The following KCNMA1 variants were observed in gnomAD, a reference collection of about 807,000 sequenced individuals.
The protein encoded by KCNMA1 is Calcium-activated potassium channel subunit alpha-1.
In KCNMA1, 29 loss-of-function variants were observed where a neutral mutation model predicts 140.0. That is an observed-to-expected ratio of 0.21 (90% CI 0.15 to 0.28). KCNMA1 has a LOEUF of 0.28. KCNMA1 is among the 10% of genes least tolerant of loss of function. The pLI is 1.00. For missense variants in KCNMA1, 880 were observed against 1,602.2 expected, an observed-to-expected ratio of 0.55 and a Z score of 7.70; for synonymous variants, 612 against 611.9, an observed-to-expected ratio of 1.00 and a Z score of 0.00.
intron 18 of KCNMA1, among the ~76,000 whole-genome samples, chr10:77,003,798 A>G (rs1187934476): frequency 2.0e-5 from 3 of 152,194 alleles, no homozygotes; most frequent in Non-Finnish European, 2.9e-5. Flanking sequence ...TACCGTCTTT[A>G]AGGATAAGGG....
intron 1 of KCNMA1, among the ~76,000 whole-genome samples, chr10:77,421,140 T>G (rs1189446487): frequency 6.6e-6 from 1 of 152,264 alleles, no homozygotes; most frequent in African/African-American, 2.4e-5. Context: ...ACAGCAATAC[T>G]GGACATTCTT....
chr10:77,588,882 G>A (rs1213772125), intron 1 of KCNMA1, among the ~76,000 whole-genome samples: 1 of 152,206 alleles, frequency 6.6e-6, no homozygotes, highest in Non-Finnish European at 1.5e-5. Context: ...GAAGCAGCAA[G>A]ATAAACGGAG....
At chr10:77,608,401 T>C (rs1048674888) in intron 1 of KCNMA1, among the ~76,000 whole-genome samples, 1 of 152,078 alleles carries the variant, frequency 6.6e-6, no homozygotes, top group African/African-American at 2.4e-5. Flanking sequence ...CTCAAACTCC[T>C]GGGCTCAAGC....
chr10:76,884,875 AAT>A (rs2036159982), downstream of KCNMA1: 11 of 1,382,086 alleles, frequency 8.0e-6, no homozygotes, highest in South Asian at 1.9e-4. Flanking sequence ...CCAATAACAG[AAT>A]AAAATTTGTA....
intron 2 of KCNMA1, among the ~76,000 whole-genome samples, chr10:77,373,185 A>G (rs1344570932): frequency 6.6e-6 from 1 of 152,202 alleles, no homozygotes; most frequent in Non-Finnish European, 1.5e-5. Context: ...TCATGCTGCC[A>G]TCTTGTTGGT....
chr10:77,418,794 T>A (rs1424139230), intron 1 of KCNMA1, among the ~76,000 whole-genome samples: 1 of 152,132 alleles, frequency 6.6e-6, no homozygotes, highest in East Asian at 1.9e-4. Context: ...TATAAATAAT[T>A]GAAGAGCTCC....
intron 18 of KCNMA1, among the ~76,000 whole-genome samples, chr10:77,010,541 C>A (rs756397019): frequency 9.2e-5 from 14 of 151,806 alleles, no homozygotes; most frequent in Non-Finnish European, 1.5e-4. Flanking sequence ...GGGAAGGGGA[C>A]CAGCTGTATT....
At chr10:77,455,816 G>A (rs1234543429) in intron 1 of KCNMA1, among the ~76,000 whole-genome samples, 1 of 152,176 alleles carries the variant, frequency 6.6e-6, no homozygotes, top group Non-Finnish European at 1.5e-5. Flanking sequence ...TGGAAATTGG[G>A]TCAGAGCTGG....
intron 5 of KCNMA1, among the ~76,000 whole-genome samples, chr10:77,137,727 G>C (rs2098077993): frequency 6.6e-6 from 1 of 152,206 alleles, no homozygotes; most frequent in Admixed American, 6.5e-5. Flanking sequence ...TTGCTTGTCT[G>C]ACCTTTTCAC....
chr10:77,544,641 T>G (rs866519613), intron 1 of KCNMA1, among the ~76,000 whole-genome samples: 54 of 152,220 alleles, frequency 3.5e-4, no homozygotes, highest in Non-Finnish European at 6.6e-4. Context: ...AGCAACTCTA[T>G]GAAGGTATGA....
At chr10:77,555,052 C>CCACACACACACACACACACA in intron 1 of KCNMA1, among the ~76,000 whole-genome samples, 1 of 108,748 alleles carries the variant, frequency 9.2e-6, no homozygotes, top group East Asian at 2.3e-4. Context: ...TTCACTCTTA[C>CCACACACACACACACACACA]CACATACACA....
chr10:77,621,573 A>T (rs902065415), intron 1 of KCNMA1, among the ~76,000 whole-genome samples: 3 of 152,056 alleles, frequency 2.0e-5, no homozygotes, highest in Non-Finnish European at 2.9e-5. Flanking sequence ...TTAAAAACCT[A>T]CTTAAATTCT....
At chr10:77,425,019 G>T (rs984798428) in intron 1 of KCNMA1, among the ~76,000 whole-genome samples, 18 of 152,222 alleles carry the variant, frequency 1.2e-4, no homozygotes, top group African/African-American at 4.3e-4. Context: ...GCCAGGGCAG[G>T]CACCTGGGAG....
intron 1 of KCNMA1, among the ~76,000 whole-genome samples, chr10:77,586,113 A>G (rs1238661473): frequency 6.6e-6 from 1 of 152,146 alleles, no homozygotes; most frequent in Admixed American, 6.5e-5. Flanking sequence ...TTTATCTAAC[A>G]TTTTTCTGAA....
chr10:77,099,711 T>G (rs1446337359), intron 9 of KCNMA1, among the ~76,000 whole-genome samples: 1 of 74,644 alleles, frequency 1.3e-5, no homozygotes, highest in African/African-American at 6.5e-5. Flanking sequence ...CAAAACTCCA[T>G]CTCAAAAAAA....
intron 1 of KCNMA1, among the ~76,000 whole-genome samples, chr10:77,515,421 C>T (rs1170759584): frequency 1.3e-5 from 2 of 152,048 alleles, no homozygotes; most frequent in African/African-American, 4.8e-5. Context: ...AAACCAAACA[C>T]ACCTGTAGAC....
rs148207176 is a variant in KCNMA1 at position 77,362,648 on chromosome 10, G to A, written c.540+41214C>T. ...TGCCTGACGTCCTGCCTCAGACCCCGCCGTCCAGCTCACAGGACAAGCCAC... is the reference window on the plus strand; with the variant it reads ...TGCCTGACGTCCTGCCTCAGACCCCACCGTCCAGCTCACAGGACAAGCCAC... On this transcript the variant is annotated intron_variant, in intron 2 of 27. Coordinates refer to ENST00000286628, the MANE Select transcript of KCNMA1 (RefSeq NM_001161352.2). Among the ~76,000 whole-genome samples, 306 of 152,090 alleles carry A rather than the reference G, an allele frequency of 2.0e-3. 1 individual carries two copies. Among genetic ancestry groups the A allele is most frequent in the Non-Finnish European group, 3.3e-3 (225 of 67,996 alleles).
At chr10:77,402,689 C>T (rs138632393) in intron 2 of KCNMA1, among the ~76,000 whole-genome samples, 249 of 152,296 alleles carry the variant, frequency 1.6e-3, no homozygotes, top group Non-Finnish European at 2.5e-3. Flanking sequence ...ATTCTCACCA[C>T]CTCCCTCCAT....
Position 76,940,469 on chromosome 10 carries a change from T to C in KCNMA1, c.2902+4304A>G, listed in dbSNP as rs189562438. Among the ~76,000 whole-genome samples the C allele has an allele frequency of 8.6e-4, 131 of 152,300 alleles. 2 individuals carry two copies. The highest frequency in any genetic ancestry group is 7.2e-3 in the Admixed American group (110 of 15,300). ...TATATCATCTTAGGACAGCTTTCCA[T>C]AGGGTTGCATGCATATTCTGGCCCA... On this transcript the variant is annotated intron_variant, in intron 23 of 27. Coordinates refer to ENST00000286628, the MANE Select transcript of KCNMA1 (RefSeq NM_001161352.2).
Sources: allele counts gnomAD v4.1 joint callset (sites outside exome capture counted in the v4.1 genomes callset), GRCh38; gene constraint gnomAD v4.1.1; transcripts MANE v1.5; gene names NCBI Gene and HGNC (gene_info 2026-07-23, HGNC 2026-07-21).